Variants in CEACAM5 observed in about 807,000 individuals in gnomAD.
The protein encoded by CEACAM5 is cell adhesion molecule CEACAM5.
A neutral mutation model predicts 63.0 loss-of-function variants in CEACAM5; 52 were observed. The ratio of observed to expected loss-of-function variants is 0.83; its 90% CI spans 0.66 to 1.04. The LOEUF (loss-of-function observed/expected upper bound fraction) is 1.04, where lower values mean the gene tolerates loss of function less well. CEACAM5 is among the 50% of genes least tolerant of loss of function. The probability of loss-of-function intolerance (pLI) is 0.00; values close to 1 mark genes in which losing one functional copy is unlikely to be tolerated. For synonymous variants in CEACAM5, 357 were observed against 351.3 expected (o/e 1.02, Z -0.18); for missense variants, 790 against 864.8 (o/e 0.91, Z 1.08).
In CEACAM5 at chr19:41,720,323, C is replaced by A. The variant is rs192992650; in HGVS notation, c.1771+115C>A. On this transcript the variant is annotated intron_variant, in intron 7 of 9. Coordinates refer to ENST00000221992, the MANE Select transcript of CEACAM5 (RefSeq NM_004363.6). ...AGAGGCAGACTCCCACCCCTGGACA[C>A]CCAGGCTGGCCATAACTTCCTGTCC... 2.3e-6 allele frequency: 3 copies of A among 1,289,362 alleles called. No individual in the cohort carries two copies. In the East Asian group the frequency reaches 7.0e-5, roughly 30 times the overall value. The allele number at this position is 1,289,362 out of a possible 1,614,324, so 79.9% of individuals were successfully genotyped here. A position where few individuals can be genotyped will look rare whatever the true frequency, so the allele number is the denominator to read the frequency against.
At chr19:41,709,333 G>A (rs553862876) in intron 1 of CEACAM5, among the ~76,000 whole-genome samples, 1 of 152,290 alleles carries the variant, frequency 6.6e-6, no homozygotes, top group East Asian at 1.9e-4. Flanking sequence ...ATAGAGCAGG[G>A]AAAGGTCAGA....
chr19:41,710,713 A>G lies in CEACAM5; in HGVS notation c.424+674A>G, dbSNP rs543213581. ...ACATAGGTGACTCCATGGGAAGCTC[A>G]GTGTCCCCAGGAAGAGGAACAGAGG... On this transcript the variant is annotated intron_variant, in intron 2 of 9. Transcript: ENST00000221992. Among the ~76,000 whole-genome samples the G allele has an allele frequency of 3.9e-5, 6 of 152,270 alleles. No individual in the cohort carries two copies. The South Asian group carries it at 1.2e-3, about 32-fold the overall frequency.
At chr19:41,714,006 G>A (rs914481555) in intron 2 of CEACAM5, among the ~76,000 whole-genome samples, 1 of 152,144 alleles carries the variant, frequency 6.6e-6, no homozygotes, top group Non-Finnish European at 1.5e-5. Context: ...CCTGAGGTCA[G>A]AAGTTCAAGA....
chr19:41,712,510 C>T (rs548856798), intron 2 of CEACAM5, among the ~76,000 whole-genome samples: 71 of 152,302 alleles, frequency 4.7e-4, no homozygotes, highest in Non-Finnish European at 7.5e-4. Context: ...GGGCAGGGAG[C>T]GCTTTCTAAA....
chr19:41,716,214 C>T (rs2072524897), intron 4 of CEACAM5, among the ~76,000 whole-genome samples: 2 of 152,262 alleles, frequency 1.3e-5, no homozygotes, highest in Non-Finnish European at 2.9e-5. Flanking sequence ...AGTTGCTTCT[C>T]TCTGTCACCA....
At chr19:41,718,966 C>G (rs1555815627) in intron 6 of CEACAM5, among the ~76,000 whole-genome samples, 2 of 152,192 alleles carry the variant, frequency 1.3e-5, no homozygotes, top group African/African-American at 4.8e-5. Context: ...CTGGCTAAGT[C>G]AAGATGCCAG....
At position 41,710,041 on chromosome 19, in the gene CEACAM5, TGA is replaced by T; in HGVS notation, c.424+4_424+5del. On this transcript the variant is annotated splice_donor_region_variant and intron_variant, in intron 2 of 9. Transcript: ENST00000221992. ...CAACTGGCCAGTTCCGGGTATACCG[TGA>T]GTGATTCCCCCATGACCTCTGGGTG... 1 of 1,593,038 alleles carries T rather than the reference TGA, an allele frequency of 6.3e-7. No homozygotes were observed. Among genetic ancestry groups the T allele is most frequent in the South Asian group, 1.2e-5 (1 of 86,236 alleles).
chr19:41,727,205 C>A, intron 8 of CEACAM5, 29 bp from the exon 9 acceptor site: 1 of 1,552,506 alleles, frequency 6.4e-7, no homozygotes, highest in Non-Finnish European at 8.9e-7. Flanking sequence ...TTCATTCCTT[C>A]TCTTTTCTTT....
chr19:41,720,500 C>CTTTT (rs10713199), intron 7 of CEACAM5, among the ~76,000 whole-genome samples: 34 of 96,052 alleles, frequency 3.5e-4, no homozygotes, highest in African/African-American at 4.5e-4. Flanking sequence ...ATGGTTTGGA[C>CTTTT]TTTTTTTTTT....
At chr19:41,724,260 T>C (rs2072667945) in intron 8 of CEACAM5, among the ~76,000 whole-genome samples, 1 of 152,230 alleles carries the variant, frequency 6.6e-6, no homozygotes, top group Non-Finnish European at 1.5e-5. Context: ...GGCACCGTTA[T>C]CAAAAATCAT....
chr19:41,727,090 T>C (rs2072710500), intron 8 of CEACAM5, 144 bp from the exon 9 acceptor site: 2 of 744,828 alleles, frequency 2.7e-6, no homozygotes, highest in South Asian at 1.5e-5. Context: ...AGAGAAAAAA[T>C]TGCAACTTTC....
intron 2 of CEACAM5, 80 bp from the exon 3 acceptor site, chr19:41,714,891 G>A: frequency 6.3e-7 from 1 of 1,594,244 alleles, no homozygotes. Context: ...AGAGGTGGAA[G>A]GTGCCAACTC....
Position 41,709,794 on chromosome 19 carries a change from A to T in CEACAM5, c.179A>T (p.Gln60Leu). Residue 60 changes from glutamine (Q) to leucine (L), a missense_variant, in exon 2 of 10, where the codon CAG (glutamine) becomes CTG (leucine). Transcript: ENST00000221992. ...CTTCTACTTGTCCACAATCTGCCCCAGCATCTTTTTGGCTACAGCTGGTAC... is the reference window on the plus strand; with the variant it reads ...CTTCTACTTGTCCACAATCTGCCCCTGCATCTTTTTGGCTACAGCTGGTAC... The part of the protein sequence containing the change: ...EVLLLVHNLP[Q>L]HLFGYSWYKG... 6.2e-7 allele frequency: 1 copy of T among 1,614,156 alleles called. No homozygotes were observed. Among genetic ancestry groups the T allele is most frequent in the Non-Finnish European group, 8.5e-7 (1 of 1,180,030 alleles).
At chr19:41,725,031 C>G (rs142160970) in intron 8 of CEACAM5, among the ~76,000 whole-genome samples, 135 of 152,158 alleles carry the variant, frequency 8.9e-4, no homozygotes, top group Non-Finnish European at 1.6e-3. Context: ...TGTCTTGTTC[C>G]TGGTCTTACA....
Position 41,718,362 on chromosome 19 carries a change from T to C in CEACAM5, c.1472T>C (p.Val491Ala). 2 of 1,614,162 alleles carry C rather than the reference T, an allele frequency of 1.2e-6. No homozygotes were observed. The highest frequency in any genetic ancestry group is 2.2e-5 in the East Asian group (1 of 44,884). The change falls in exon 6 of 10, where the codon GTC becomes GCC. Residue 491 changes from valine (V) to alanine (A), a missense_variant. Transcript: ENST00000221992. Reference protein sequence around the residue: ...NSASGHSRTTVKTITVSAELP... With the variant: ...NSASGHSRTTAKTITVSAELP... Reference sequence around the variant, plus strand: ...GCCAGTGGCCACAGCAGGACTACAGTCAAGACAATCACAGTCTCTGGTAAG... The same window carrying C: ...GCCAGTGGCCACAGCAGGACTACAGCCAAGACAATCACAGTCTCTGGTAAG...
intron 9 of CEACAM5, among the ~76,000 whole-genome samples, chr19:41,728,951 G>A (rs2072737039): frequency 6.6e-6 from 1 of 152,040 alleles, no homozygotes; most frequent in Admixed American, 6.6e-5. Context: ...TAAATTATAT[G>A]GGAAGCACTG....
rs149056934 is a variant in CEACAM5, at chr19:41,721,121, C to T, written c.1971C>T (p.Val657=). ...ATAACGGGACCTATGCCTGTTTTGT[C>T]TCTAACTTGGCTACTGGCCGCAATA... The part of the protein sequence containing the change: ...PNNNGTYACF[V]SNLATGRNNS... The change falls in exon 8 of 10, where the codon GTC becomes GTT. Residue 657 remains valine, a synonymous_variant. Transcript: ENST00000221992. 1.9e-6 allele frequency: 3 copies of T among 1,614,108 alleles called. No homozygotes were observed. Among genetic ancestry groups the T allele is most frequent in the African/African-American group, 2.7e-5 (2 of 74,930 alleles).
Position 41,717,461 on chromosome 19 carries a change from C to T in CEACAM5, c.965C>T (p.Pro322Leu). ...TVTTITVYAEPPKPFITSNNS... is the reference protein window; with the variant it reads ...TVTTITVYAELPKPFITSNNS... ...CTCTCTGTTATCTGCACAGCAGAGCCACCCAAACCCTTCATCACCAGCAAC... is the reference window on the plus strand; with the variant it reads ...CTCTCTGTTATCTGCACAGCAGAGCTACCCAAACCCTTCATCACCAGCAAC... Residue 322 changes from proline to leucine, a missense_variant, in exon 5 of 10, where the codon CCA becomes CTA. By Grantham distance (98) the Pro-to-Leu change is moderately conservative. Transcript: ENST00000221992. The T allele has an allele frequency of 1.2e-6, 2 of 1,613,238 alleles. No homozygotes were observed. Among genetic ancestry groups the T allele is most frequent in the Non-Finnish European group, 8.5e-7 (1 of 1,179,460 alleles).
chr19:41,715,742 C>A lies in CEACAM5; in HGVS notation c.796C>A (p.Pro266Thr). Residue 266 changes from proline to threonine, a missense_variant, in exon 4 of 10, where the codon CCT becomes ACT. Physicochemically the swap from Pro to Thr is conservative, Grantham distance 38. Transcript: ENST00000221992. Reference protein sequence around the residue: ...NLSCHAASNPPAQYSWFVNGT... With the variant: ...NLSCHAASNPTAQYSWFVNGT... ...CTCCTGCCACGCAGCCTCTAACCCA[C>A]CTGCACAGTACTCTTGGTTTGTCAA... 1 of 1,614,242 alleles carries A rather than the reference C, an allele frequency of 6.2e-7. No homozygotes were observed. The highest frequency in any genetic ancestry group is 8.5e-7 in the Non-Finnish European group (1 of 1,180,044).
Sources: gnomAD v4.1 joint callset for allele counts (sites outside exome capture counted in the v4.1 genomes callset) on GRCh38, gnomAD v4.1.1 for gene constraint, MANE v1.5 for transcripts, NCBI Gene and HGNC (gene_info 2026-07-23, HGNC 2026-07-21) for gene names.